CNTNAP5: variants seen among roughly 807,000 people sequenced by gnomAD.
The protein encoded by CNTNAP5 is contactin associated protein family member 5.
In CNTNAP5, 72 loss-of-function variants were observed where a neutral mutation model predicts 150.2. That is an observed-to-expected ratio of 0.48 (90% CI 0.40 to 0.58). The LOEUF (loss-of-function observed/expected upper bound fraction) is 0.58. CNTNAP5 is among the 20% of genes least tolerant of loss of function. The pLI is 0.00. For synonymous variants in CNTNAP5, 672 were observed against 619.8 expected, an observed-to-expected ratio of 1.08 and a Z score of -1.25; for missense variants, 1,636 against 1,626.2, an observed-to-expected ratio of 1.01 and a Z score of -0.10.
At chr2:124,355,353 A>G (rs538458318) in intron 3 of CNTNAP5, among the ~76,000 whole-genome samples, 3 of 152,282 alleles carry the variant, frequency 2.0e-5, no homozygotes, top group African/African-American at 7.2e-5. Context: ...CAGAAATACA[A>G]TAAAACTAGC....
At chr2:124,505,893 T>C (rs969249882) in intron 8 of CNTNAP5, among the ~76,000 whole-genome samples, 2 of 152,220 alleles carry the variant, frequency 1.3e-5, no homozygotes, top group Non-Finnish European at 2.9e-5. Context: ...AACCTCCCTC[T>C]GCTTTTCACC....
At chr2:124,099,809 C>A (rs1683024287) in intron 1 of CNTNAP5, among the ~76,000 whole-genome samples, 1 of 151,928 alleles carries the variant, frequency 6.6e-6, no homozygotes, top group South Asian at 2.1e-4. Flanking sequence ...GCAGGGGGTG[C>A]CACACACTTT....
chr2:124,683,299 T>A (rs1209864264), intron 13 of CNTNAP5, among the ~76,000 whole-genome samples: 2 of 152,220 alleles, frequency 1.3e-5, no homozygotes, highest in Non-Finnish European at 2.9e-5. Context: ...TCATGACTTA[T>A]TTGGCATTAC....
At chr2:124,576,168 CTATATA>C (rs776796273) in intron 11 of CNTNAP5, among the ~76,000 whole-genome samples, 8 of 141,098 alleles carry the variant, frequency 5.7e-5, no homozygotes, top group African/African-American at 2.1e-4. Context: ...ATATCTATAT[CTATATA>C]TATGTGCAGA....
chr2:124,578,732 C>T (rs1696349358), intron 11 of CNTNAP5, among the ~76,000 whole-genome samples: 1 of 152,010 alleles, frequency 6.6e-6, no homozygotes, highest in African/African-American at 2.4e-5. Flanking sequence ...AAGATCACAC[C>T]ACTGCATTCC....
In CNTNAP5 at chr2:124,770,837, T is replaced by A. The variant is rs1030765941; in HGVS notation, c.2534-1962T>A. ...ACATGCAGTATGTGCCAGGCACAGTTCTAATAACTTTATCAGGATTCGTGT... is the reference window on the plus strand; with the variant it reads ...ACATGCAGTATGTGCCAGGCACAGTACTAATAACTTTATCAGGATTCGTGT... On this transcript the variant is annotated intron_variant, in intron 16 of 23. Transcript: ENST00000682447. Among the ~76,000 whole-genome samples, 7 of 152,360 alleles carry A rather than the reference T, an allele frequency of 4.6e-5. No homozygotes were observed. In the East Asian group the frequency reaches 1.3e-3, roughly 29 times the overall value.
intron 19 of CNTNAP5, among the ~76,000 whole-genome samples, chr2:124,821,161 C>T (rs1682477364): frequency 6.6e-6 from 1 of 152,136 alleles, no homozygotes; most frequent in Non-Finnish European, 1.5e-5. Context: ...AATAATACAA[C>T]CTACATTAAT....
chr2:124,331,579 A>AT (rs879922156), intron 3 of CNTNAP5, among the ~76,000 whole-genome samples: 104 of 147,806 alleles, frequency 7.0e-4, no homozygotes, highest in East Asian at 2.0e-3. Flanking sequence ...GTATTTTGGA[A>AT]TTTTTTTTTT....
chr2:124,065,801 C>T (rs894196057), intron 1 of CNTNAP5, among the ~76,000 whole-genome samples: 2 of 152,148 alleles, frequency 1.3e-5, no homozygotes, highest in South Asian at 2.1e-4. Context: ...CTACAATCCA[C>T]AAACTGGATG....
At chr2:124,864,598 C>G (rs202010291) in intron 19 of CNTNAP5, among the ~76,000 whole-genome samples, 21 of 137,776 alleles carry the variant, frequency 1.5e-4, no homozygotes, top group Non-Finnish European at 3.2e-4. Context: ...CACACACACA[C>G]AGAATTGATA....
chr2:124,475,568 G>A (rs996828067), intron 7 of CNTNAP5, among the ~76,000 whole-genome samples: 2 of 151,952 alleles, frequency 1.3e-5, no homozygotes, highest in African/African-American at 4.8e-5. Context: ...ATATTTTGTA[G>A]CTCTGTTGTT....
intron 13 of CNTNAP5, among the ~76,000 whole-genome samples, chr2:124,730,596 A>C (rs1219858334): frequency 6.6e-6 from 1 of 152,062 alleles, no homozygotes; most frequent in Non-Finnish European, 1.5e-5. Flanking sequence ...TTTTATTTAG[A>C]AAATAACTTT....
chr2:124,713,257 C>T (rs913704188), intron 13 of CNTNAP5, among the ~76,000 whole-genome samples: 13 of 101,008 alleles, frequency 1.3e-4, no homozygotes, highest in Admixed American at 6.3e-4. Flanking sequence ...TTCTTTCTTT[C>T]TTTCTTTCTT....
intron 1 of CNTNAP5, among the ~76,000 whole-genome samples, chr2:124,062,681 G>C (rs1682044215): frequency 6.6e-6 from 1 of 152,144 alleles, no homozygotes; most frequent in African/African-American, 2.4e-5. Flanking sequence ...TTTAAGGATA[G>C]AGTGGTGCCT....
At chr2:124,259,601 A>T (rs1481248748) in intron 3 of CNTNAP5, among the ~76,000 whole-genome samples, 1 of 152,132 alleles carries the variant, frequency 6.6e-6, no homozygotes, top group African/African-American at 2.4e-5. Context: ...CATTTCTCTG[A>T]TGGCCAGTGA....
At chr2:124,458,864 A>G (rs990835011) in intron 6 of CNTNAP5, among the ~76,000 whole-genome samples, 3 of 152,224 alleles carry the variant, frequency 2.0e-5, no homozygotes, top group Non-Finnish European at 2.9e-5. Context: ...ATGCTAATCC[A>G]TGCTAAAATA....
At chr2:124,309,399 T>C (rs17011399) in intron 3 of CNTNAP5, among the ~76,000 whole-genome samples, 56,402 of 152,094 alleles carry the variant, frequency 0.37, 10,704 homozygotes, top group African/African-American at 0.41. Flanking sequence ...ATATTGAGGG[T>C]AAAATTGATA....
chr2:124,607,149 A>C (rs769554439), intron 11 of CNTNAP5, among the ~76,000 whole-genome samples: 1 of 152,210 alleles, frequency 6.6e-6, no homozygotes, highest in Admixed American at 6.5e-5. Flanking sequence ...AGGATTCTAA[A>C]ACAACACCTG....
At chr2:124,201,734 G>C (rs577648938) in intron 1 of CNTNAP5, among the ~76,000 whole-genome samples, 5 of 152,292 alleles carry the variant, frequency 3.3e-5, no homozygotes, top group African/African-American at 1.2e-4. Context: ...AGGGAGCTCA[G>C]GAATGATTAA....
Sources: gnomAD v4.1 joint callset for allele counts (sites outside exome capture counted in the v4.1 genomes callset) on GRCh38, gnomAD v4.1.1 for gene constraint, MANE v1.5 for transcripts, NCBI Gene and HGNC (gene_info 2026-07-23, HGNC 2026-07-21) for gene names.